DOCK3: variants seen among roughly 807,000 people sequenced by gnomAD.
DOCK3 encodes dedicator of cytokinesis protein 3.
Under a neutral mutation model 265.6 loss-of-function variants are expected in DOCK3, and 60 were observed. The observed-to-expected ratio is 0.23, with a 90% CI of 0.18 to 0.28. The LOEUF (loss-of-function observed/expected upper bound fraction) is 0.28, where lower values mean the gene tolerates loss of function less well. Among genes scored for constraint, DOCK3 ranks in the 10% least tolerant of loss-of-function variants. The pLI, the probability that DOCK3 is intolerant of heterozygous loss-of-function variation, is 1.00. For synonymous variants in DOCK3, 881 were observed against 938.0 expected (o/e 0.94, Z 1.11); for missense variants, 1,981 against 2,594.3 (o/e 0.76, Z 5.14).
intron 5 of DOCK3, among the ~76,000 whole-genome samples, chr3:50,943,236 A>T (rs1011807141): frequency 2.0e-5 from 3 of 152,228 alleles, no homozygotes; most frequent in Admixed American, 2.0e-4. Flanking sequence ...TAGGCAGACC[A>T]CAGAGGATTT....
chr3:51,277,878 G>T, intron 26 of DOCK3, 124 bp downstream of exon 26: 1 of 1,521,262 alleles, frequency 6.6e-7, no homozygotes, highest in Non-Finnish European at 8.8e-7. Flanking sequence ...ATGGTTGTCA[G>T]CATGCTGCCC....
At chr3:50,916,319 T>A (rs900684329) in intron 4 of DOCK3, among the ~76,000 whole-genome samples, 5 of 151,906 alleles carry the variant, frequency 3.3e-5, no homozygotes, top group Admixed American at 1.3e-4. Context: ...AGTGGCACAA[T>A]CTCACTCTGT....
intron 2 of DOCK3, among the ~76,000 whole-genome samples, chr3:50,800,867 A>G (rs569387430): frequency 1.3e-5 from 2 of 151,744 alleles, no homozygotes; most frequent in African/African-American, 4.8e-5. Flanking sequence ...TTACGATTCT[A>G]TTTTCATTTC....
At chr3:50,871,283 T>G (rs747206564) in intron 3 of DOCK3, among the ~76,000 whole-genome samples, 5 of 152,008 alleles carry the variant, frequency 3.3e-5, no homozygotes, top group African/African-American at 4.8e-5. Flanking sequence ...CTGGATACAT[T>G]ATTCTTGGGT....
intron 1 of DOCK3, among the ~76,000 whole-genome samples, chr3:50,707,529 T>C (rs1364417843): frequency 2.0e-5 from 3 of 152,150 alleles, no homozygotes; most frequent in Non-Finnish European, 2.9e-5. Context: ...TTGGCTGTAA[T>C]GAGTGTCAGT....
chr3:51,037,702 T>C (rs1023012481), intron 5 of DOCK3, among the ~76,000 whole-genome samples: 2 of 152,218 alleles, frequency 1.3e-5, no homozygotes, highest in African/African-American at 4.8e-5. Context: ...GTCTCATTGT[T>C]TTATTCATTA....
intron 21 of DOCK3, among the ~76,000 whole-genome samples, chr3:51,240,123 C>G (rs1353211333): frequency 6.6e-6 from 1 of 152,126 alleles, no homozygotes; most frequent in Non-Finnish European, 1.5e-5. Flanking sequence ...TACCTGTGTC[C>G]CAGAGATTCT....
chr3:51,360,263 T>A (rs116375821), intron 46 of DOCK3, among the ~76,000 whole-genome samples: 1 of 152,358 alleles, frequency 6.6e-6, no homozygotes, highest in African/African-American at 2.4e-5. Context: ...CCAGATGTGC[T>A]TCTCTTAATG....
At chr3:50,803,027 C>CTTT (rs148585810) in intron 2 of DOCK3, among the ~76,000 whole-genome samples, 192 of 147,198 alleles carry the variant, frequency 1.3e-3, no homozygotes, top group Middle Eastern at 3.5e-3. Flanking sequence ...TACAGAAATT[C>CTTT]TTTTTTTTTT....
chr3:51,112,507 C>G (rs2083563699), intron 9 of DOCK3, among the ~76,000 whole-genome samples: 1 of 152,150 alleles, frequency 6.6e-6, no homozygotes, highest in South Asian at 2.1e-4. Context: ...AAAAATTCAT[C>G]AAGTTGTATA....
chr3:51,093,268 G>A (rs931619213), intron 9 of DOCK3, among the ~76,000 whole-genome samples: 18 of 152,088 alleles, frequency 1.2e-4, no homozygotes, highest in South Asian at 4.1e-4. Flanking sequence ...ATTACTTCAG[G>A]CAGTATGGCC....
chr3:51,161,485 G>A (rs2107534882), intron 12 of DOCK3, among the ~76,000 whole-genome samples: 1 of 152,098 alleles, frequency 6.6e-6, no homozygotes, highest in South Asian at 2.1e-4. Flanking sequence ...AAAATAAAAT[G>A]CGGAAGATTG....
At chr3:50,834,813 T>C (rs2045408399) in intron 2 of DOCK3, among the ~76,000 whole-genome samples, 1 of 152,204 alleles carries the variant, frequency 6.6e-6, no homozygotes, top group Non-Finnish European at 1.5e-5. Flanking sequence ...CTTTCCCTTC[T>C]TTTTCCTGTG....
At chr3:51,335,309 C>A (rs775987256) in intron 35 of DOCK3, among the ~76,000 whole-genome samples, 3 of 152,094 alleles carry the variant, frequency 2.0e-5, no homozygotes, top group Non-Finnish European at 4.4e-5. Flanking sequence ...CCAGATCTAG[C>A]TGACTCAAGA....
intron 41 of DOCK3, among the ~76,000 whole-genome samples, chr3:51,355,324 T>C (rs1468218627): frequency 6.6e-6 from 1 of 152,208 alleles, no homozygotes; most frequent in African/African-American, 2.4e-5. Context: ...ATGAGGAGTC[T>C]GCCCAGGCAG....
At chr3:50,997,668 T>C (rs1393711067) in intron 5 of DOCK3, among the ~76,000 whole-genome samples, 5 of 152,172 alleles carry the variant, frequency 3.3e-5, no homozygotes, top group Non-Finnish European at 7.3e-5. Flanking sequence ...ACCTGAGACA[T>C]TGTGCTGGTG....
intron 32 of DOCK3, among the ~76,000 whole-genome samples, chr3:51,327,096 T>G (rs1206763391): frequency 6.6e-6 from 1 of 152,202 alleles, no homozygotes; most frequent in African/African-American, 2.4e-5. Context: ...CTACCTTTTC[T>G]GTGTATGTTC....
At chr3:51,180,207 C>CAAAAA (rs769429969) in intron 12 of DOCK3, among the ~76,000 whole-genome samples, 8 of 111,188 alleles carry the variant, frequency 7.2e-5, no homozygotes, top group African/African-American at 1.1e-4. Flanking sequence ...GACCCTGTCT[C>CAAAAA]AAAAAAAAAA....
intron 12 of DOCK3, among the ~76,000 whole-genome samples, chr3:51,206,230 C>T (rs1482554672): frequency 6.6e-6 from 1 of 152,100 alleles, no homozygotes; most frequent in East Asian, 1.9e-4. Context: ...TAATTAGCAA[C>T]ATTTAAGCTA....
Sources: gnomAD v4.1 joint callset for allele counts (sites outside exome capture counted in the v4.1 genomes callset) on GRCh38, gnomAD v4.1.1 for gene constraint, MANE v1.5 for transcripts, NCBI Gene and HGNC (gene_info 2026-07-23, HGNC 2026-07-21) for gene names.